The following DHRS9 variants were observed in gnomAD, a reference collection of about 807,000 sequenced individuals.
DHRS9 encodes dehydrogenase/reductase SDR family member 9.
A neutral mutation model predicts 26.6 loss-of-function variants in DHRS9; 18 were observed. The observed-to-expected ratio is 0.68, with a 90% confidence interval of 0.47 to 1.00. The LOEUF is 1.00. DHRS9 is among the 50% of genes least tolerant of loss of function. The pLI, the probability that DHRS9 is intolerant of heterozygous loss-of-function variation, is 0.00. For missense variants in DHRS9, 425 were observed against 378.7 expected (o/e 1.12, Z -1.01); for synonymous variants, 134 against 141.1 (o/e 0.95, Z 0.36).
At chr2:169,083,610 T>C in intron 3 of DHRS9, 23 bp downstream of exon 3, 1 of 1,609,436 alleles carries the variant, frequency 6.2e-7, no homozygotes, top group Non-Finnish European at 8.5e-7. Context: ...AATCAACTTA[T>C]TAGGAAACAA....
chr2:169,087,234 C>G (rs954256089), intron 3 of DHRS9, among the ~76,000 whole-genome samples: 1 of 152,098 alleles, frequency 6.6e-6, no homozygotes, highest in Non-Finnish European at 1.5e-5. Context: ...TTTTCACAAG[C>G]AGAGGAGTCT....
intron 1 of DHRS9, among the ~76,000 whole-genome samples, chr2:169,079,143 G>A (rs993555153): frequency 2.6e-5 from 4 of 151,878 alleles, no homozygotes; most frequent in Admixed American, 6.6e-5. Context: ...CACCAGGCCC[G>A]GCTGAACTGA....
chr2:169,069,005 G>A (rs995187022), upstream of DHRS9, among the ~76,000 whole-genome samples: 63 of 152,116 alleles, frequency 4.1e-4, no homozygotes, highest in African/African-American at 1.4e-3. Context: ...TATTCTCAGC[G>A]GTCTCAGTTC....
At chr2:169,088,352 G>T (rs1684416970) in intron 3 of DHRS9, among the ~76,000 whole-genome samples, 1 of 152,164 alleles carries the variant, frequency 6.6e-6, no homozygotes, top group African/African-American at 2.4e-5. Flanking sequence ...CCATGCCACA[G>T]AGTTGCTGCT....
chr2:169,081,733 A>T lies in DHRS9; in HGVS notation c.152A>T (p.Lys51Ile), dbSNP rs201300132. 2.5e-6 allele frequency: 4 copies of T among 1,614,106 alleles called. No individual in the cohort carries two copies. Among genetic ancestry groups the T allele is most frequent in the Non-Finnish European group, 2.5e-6 (3 of 1,180,034 alleles). ...AACTTGGCAGCCAGAACTTTTGATAAAAAGGGATTTCATGTAATCGCTGCC... is the reference window on the plus strand; with the variant it reads ...AACTTGGCAGCCAGAACTTTTGATATAAAGGGATTTCATGTAATCGCTGCC... The part of the protein sequence containing the change: ...FGNLAARTFD[K>I]KGFHVIAACL... The change falls in exon 2 of 5, where the codon AAA (lysine) becomes ATA (isoleucine). Residue 51 changes from lysine (K) to isoleucine (I), a missense_variant. Transcript: ENST00000674881.
At position 169,081,504 on chromosome 2, in the gene DHRS9, T is replaced by C; in HGVS notation, c.-59-19T>C. 1.0e-5 allele frequency: 16 copies of C among 1,533,032 alleles called. No individual in the cohort carries two copies. The highest frequency in any genetic ancestry group is 1.4e-5 in the Non-Finnish European group (16 of 1,145,166). 95.0% of individuals were successfully genotyped at this position (1,533,032 alleles called of 1,614,324 possible). The stretch of plus-strand genomic sequence containing the variant: ...TGGTAGTTCTAATTTGAATTTTCTT[T>C]TTCACTTTGAACACTCAGGACACCA... On this transcript the variant is annotated intron_variant, in intron 1 of 4. Transcript: ENST00000674881.
chr2:169,081,971 C>T, intron 2 of DHRS9, 77 bp downstream of exon 2: 1 of 1,416,206 alleles, frequency 7.1e-7, no homozygotes, highest in Admixed American at 2.6e-5. Flanking sequence ...AAAACATGCT[C>T]AAGTTTTAAA....
intron 1 of DHRS9, among the ~76,000 whole-genome samples, chr2:169,080,698 A>G (rs376412308): frequency 5.9e-5 from 9 of 152,218 alleles, no homozygotes; most frequent in African/African-American, 1.9e-4. Flanking sequence ...TCTGCTGCAC[A>G]TATGGTCAAA....
At chr2:169,069,861 G>A in intron 1 of DHRS9, 144 bp downstream of exon 1, 3 of 793,252 alleles carry the variant, frequency 3.8e-6, no homozygotes, top group South Asian at 1.2e-4. Context: ...TAACACATTA[G>A]AACCCAGTGA....
At chr2:169,086,489 T>A (rs912336141) in intron 3 of DHRS9, among the ~76,000 whole-genome samples, 2 of 152,144 alleles carry the variant, frequency 1.3e-5, no homozygotes, top group Non-Finnish European at 2.9e-5. Flanking sequence ...GTCTCTTGTG[T>A]CTTATTTCAT....
At position 169,091,967 on chromosome 2, in the gene DHRS9, C is replaced by T. The variant is rs372947342; in HGVS notation, c.736+14C>T. The T allele has an allele frequency of 5.0e-5, 80 of 1,611,416 alleles. No individual in the cohort carries two copies. The highest frequency in any genetic ancestry group is 6.7e-5 in the East Asian group (3 of 44,792). ...ACATTGAAAAAAGTGAGTTTCCGGG[C>T]GGTGCCAATGTCCTCTAGAATTCTT... On this transcript the variant is annotated intron_variant, in intron 4 of 4. Transcript: ENST00000674881.
chr2:169,087,529 C>T (rs1684390133), intron 3 of DHRS9, among the ~76,000 whole-genome samples: 1 of 152,154 alleles, frequency 6.6e-6, no homozygotes, highest in Non-Finnish European at 1.5e-5. Flanking sequence ...CTCCTTTACT[C>T]TTCCGTCTCC....
Position 169,078,815 on chromosome 2 carries a change from C to T in DHRS9, c.-59-2708C>T, listed in dbSNP as rs865968607. Among the ~76,000 whole-genome samples the T allele has an allele frequency of 5.8e-4, 64 of 110,356 alleles. 1 individual carries two copies. The South Asian group carries it at 0.014, about 24-fold the overall frequency. The allele number at this position is 110,356 out of a possible 152,430, so 72.4% of individuals were successfully genotyped here. On this transcript the variant is annotated intron_variant, in intron 1 of 4. Coordinates refer to ENST00000674881, the MANE Select transcript of DHRS9 (RefSeq NM_001376924.1). ...CTCTGACTTAATTTTTATCAACTGACTTTTTTTTTTTTTTTTTTTTTTTTT... is the reference window on the plus strand; with the variant it reads ...CTCTGACTTAATTTTTATCAACTGATTTTTTTTTTTTTTTTTTTTTTTTTT...
At chr2:169,074,451 C>A in intron 1 of DHRS9, 6 of 985,432 alleles carry the variant, frequency 6.1e-6, no homozygotes, top group Non-Finnish European at 7.2e-6. Context: ...GATAAGCAAA[C>A]AACTCAAGCA....
intron 3 of DHRS9, among the ~76,000 whole-genome samples, chr2:169,089,854 G>A (rs1370086602): frequency 5.3e-5 from 8 of 152,282 alleles, no homozygotes; most frequent in East Asian, 3.9e-4. Flanking sequence ...TTTCTAACAA[G>A]CTCCAGGTGC....
intron 3 of DHRS9, among the ~76,000 whole-genome samples, chr2:169,089,952 A>G (rs1447494022): frequency 6.6e-6 from 1 of 152,230 alleles, no homozygotes; most frequent in Non-Finnish European, 1.5e-5. Flanking sequence ...TTTCCACTCT[A>G]CAACCAGCAG....
chr2:169,073,237 G>T (rs946617635), intron 1 of DHRS9, among the ~76,000 whole-genome samples: 1 of 152,186 alleles, frequency 6.6e-6, no homozygotes, highest in Non-Finnish European at 1.5e-5. Context: ...GACTGCAGTG[G>T]TAGAACAGAA....
intron 3 of DHRS9, among the ~76,000 whole-genome samples, chr2:169,084,450 C>T (rs937142496): frequency 6.6e-6 from 1 of 152,142 alleles, no homozygotes; most frequent in African/African-American, 2.4e-5. Context: ...AATTTACATT[C>T]CCACCAATAG....
intron 3 of DHRS9, 130 bp downstream of exon 3, chr2:169,083,717 T>C: frequency 9.9e-7 from 1 of 1,012,340 alleles, no homozygotes; most frequent in Non-Finnish European, 1.4e-6. Flanking sequence ...TGTGGGTACA[T>C]AGTAGGTATA....
Sources: allele counts gnomAD v4.1 joint callset (sites outside exome capture counted in the v4.1 genomes callset), GRCh38; gene constraint gnomAD v4.1.1; transcripts MANE v1.5; gene names NCBI Gene and HGNC (gene_info 2026-07-23, HGNC 2026-07-21).